The following FEM1C variants were observed in gnomAD, a reference collection of about 807,000 sequenced individuals.
The protein encoded by FEM1C is protein fem-1 homolog C.
Under a neutral mutation model 37.6 loss-of-function variants are expected in FEM1C, and 15 were observed. The observed-to-expected ratio is 0.40, with a 90% CI of 0.27 to 0.61. FEM1C has a LOEUF of 0.61. FEM1C is among the 20% of genes least tolerant of loss of function. The pLI, the probability that FEM1C is intolerant of heterozygous loss-of-function variation, is 0.42. For missense variants in FEM1C, 532 were observed against 749.7 expected (o/e 0.71, Z 3.39); for synonymous variants, 287 against 272.8 (o/e 1.05, Z -0.51).
intron 2 of FEM1C, among the ~76,000 whole-genome samples, chr5:115,541,566 T>C: frequency 6.6e-6 from 1 of 152,190 alleles, no homozygotes; most frequent in Non-Finnish European, 1.5e-5. Context: ...ACTACAGTTA[T>C]TCTCACACAA....
chr5:115,524,288 G>T lies in FEM1C; in HGVS notation c.*20C>A, dbSNP rs764999142. On this transcript the variant is annotated 3_prime_UTR_variant, in exon 3 of 3. Transcript: ENST00000274457. ...TGTTACCAATTCGTGCTTTAACAGTGCTAAAATACAGTCAAGTTATCATCT... is the reference window on the plus strand; with the variant it reads ...TGTTACCAATTCGTGCTTTAACAGTTCTAAAATACAGTCAAGTTATCATCT... The T allele has an allele frequency of 5.0e-6, 8 of 1,603,354 alleles. No homozygotes were observed. The highest frequency in any genetic ancestry group is 5.1e-6 in the Non-Finnish European group (6 of 1,171,254).
chr5:115,531,574 C>A (rs779038214), intron 2 of FEM1C, among the ~76,000 whole-genome samples: 1 of 151,976 alleles, frequency 6.6e-6, no homozygotes, highest in African/African-American at 2.4e-5. Context: ...CGGTAAAAGG[C>A]CAGGTAGCAT....
chr5:115,544,342 A>T (rs1754311121), intron 1 of FEM1C, among the ~76,000 whole-genome samples, 181 bp downstream of exon 1: 2 of 150,570 alleles, frequency 1.3e-5, no homozygotes, highest in African/African-American at 4.9e-5. Context: ...CCTGTTCCAG[A>T]CAACGGCAGC....
chr5:115,538,851 A>G (rs1235948559), intron 2 of FEM1C, among the ~76,000 whole-genome samples: 2 of 151,982 alleles, frequency 1.3e-5, no homozygotes, highest in Non-Finnish European at 2.9e-5. Flanking sequence ...ACCCTTCCAC[A>G]GATCCACATC....
At chr5:115,536,642 C>A (rs1164283787) in intron 2 of FEM1C, among the ~76,000 whole-genome samples, 1 of 151,636 alleles carries the variant, frequency 6.6e-6, no homozygotes, top group Non-Finnish European at 1.5e-5. Flanking sequence ...GTTTCCCTTC[C>A]CCATGTGTAG....
At chr5:115,536,527 ATAAC>A (rs1754131702) in intron 2 of FEM1C, among the ~76,000 whole-genome samples, 1 of 151,970 alleles carries the variant, frequency 6.6e-6, no homozygotes, top group Admixed American at 6.6e-5. Context: ...TATTCCCTGA[ATAAC>A]TAACAGGTGT....
At position 115,523,798 on chromosome 5, in the gene FEM1C, T is replaced by C. The variant is rs761551819; in HGVS notation, c.*510A>G. On this transcript the variant is annotated 3_prime_UTR_variant, in exon 3 of 3. Coordinates refer to ENST00000274457, the MANE Select transcript of FEM1C (RefSeq NM_020177.3). ...GTGCATAGAGAAGATAAAGCACTTA[T>C]GGTAACTGCAAATGGTAACGAGTCC... 9.0e-5 allele frequency: 14 copies of C among 155,336 alleles called. No individual in the cohort carries two copies. Among genetic ancestry groups the C allele is most frequent in the South Asian group, 3.9e-4 (2 of 5,098 alleles). 9.6% of individuals were successfully genotyped at this position (155,336 alleles called of 1,614,324 possible).
rs548146243 is a variant in FEM1C, at chr5:115,533,327, C to G, written c.545-7710G>C. Among the ~76,000 whole-genome samples the G allele has an allele frequency of 8.1e-4, 123 of 151,998 alleles. 1 individual carries two copies. The highest frequency in any genetic ancestry group is 2.5e-3 in the African/African-American group (105 of 41,486). On this transcript the variant is annotated intron_variant, in intron 2 of 2. Coordinates refer to ENST00000274457, the MANE Select transcript of FEM1C (RefSeq NM_020177.3). The stretch of plus-strand genomic sequence containing the variant: ...ATTAATCTGGCTTTCTATGTATAAG[C>G]ACTTTATAAAATGATAACCAGTTTG...
rs1753800578 is a variant in FEM1C at position 115,522,694 on chromosome 5, A to G, written c.*1614T>C. 1 of 152,424 alleles carries G rather than the reference A, an allele frequency of 6.6e-6. No individual in the cohort carries two copies. Among genetic ancestry groups the G allele is most frequent in the Non-Finnish European group, 1.5e-5 (1 of 67,892 alleles). 9.4% of individuals were successfully genotyped at this position (152,424 alleles called of 1,614,324 possible). The stretch of plus-strand genomic sequence containing the variant: ...CCCTCAGAATAAAATGTCAACACAA[A>G]AATCCAAGTGAGTGATCCAGCTCAT... On this transcript the variant is annotated 3_prime_UTR_variant, in exon 3 of 3. Coordinates refer to ENST00000274457, the MANE Select transcript of FEM1C (RefSeq NM_020177.3).
At position 115,543,585 on chromosome 5, in the gene FEM1C, A is replaced by G. The variant is rs2127176485; in HGVS notation, c.-92T>C. ...ACACAGGCAAGAGTCACAGGAACCAAAGTCCAATGTTAATTGCTGCACCCC... is the reference window on the plus strand; with the variant it reads ...ACACAGGCAAGAGTCACAGGAACCAGAGTCCAATGTTAATTGCTGCACCCC... On this transcript the variant is annotated 5_prime_UTR_variant, in exon 2 of 3. Coordinates refer to ENST00000274457, the MANE Select transcript of FEM1C (RefSeq NM_020177.3). 5 of 1,501,290 alleles carry G rather than the reference A, an allele frequency of 3.3e-6. No homozygotes were observed. Among genetic ancestry groups the G allele is most frequent in the Non-Finnish European group, 4.4e-6 (5 of 1,136,084 alleles). 93.0% of individuals were successfully genotyped at this position (1,501,290 alleles called of 1,614,324 possible). A position where few individuals can be genotyped will look rare whatever the true frequency, so the allele number is the denominator to read the frequency against.
In FEM1C at chr5:115,524,408, G is replaced by A. The variant is rs1404995104; in HGVS notation, c.1754C>T (p.Thr585Ile). The A allele has an allele frequency of 6.2e-7, 1 of 1,613,436 alleles. No homozygotes were observed. Among genetic ancestry groups the A allele is most frequent in the East Asian group, 2.2e-5 (1 of 44,870 alleles). ...GACACGAGCAGCAAGACACTGCAAT[G>A]TGGTATGATTTATAGGCTGGATTAA... Reference protein sequence around the residue: ...KNLIQPINHTTLQCLAARVIV... With the variant: ...KNLIQPINHTILQCLAARVIV... Residue 585 changes from threonine (T) to isoleucine (I), a missense_variant, in exon 3 of 3, where the codon ACA becomes ATA. By Grantham distance (89) the Thr-to-Ile change is moderately conservative. This residue lies in a region of FEM1C where 237 missense variants were observed against 260.5 expected (regional missense o/e 0.91). Coordinates refer to ENST00000274457, the MANE Select transcript of FEM1C (RefSeq NM_020177.3).
chr5:115,542,958 C>T lies in FEM1C; in HGVS notation c.536G>A (p.Ser179Asn). The T allele has an allele frequency of 1.9e-6, 3 of 1,610,390 alleles. No homozygotes were observed. The highest frequency in any genetic ancestry group is 2.5e-6 in the Non-Finnish European group (3 of 1,177,736). The change falls in exon 2 of 3, where the codon AGT becomes AAT. Residue 179 changes from serine to asparagine, a missense_variant. Coordinates refer to ENST00000274457, the MANE Select transcript of FEM1C (RefSeq NM_020177.3). The stretch of plus-strand genomic sequence containing the variant: ...AAAGAAGCTGAACTCACCTTTGACA[C>T]TTTTTCTATTAACATCTGCCCCCTT... ...LEKGADVNRK[S>N]VKGNTALHDC...
intron 2 of FEM1C, among the ~76,000 whole-genome samples, chr5:115,535,439 T>A (rs868573961): frequency 3.3e-5 from 5 of 151,644 alleles, no homozygotes; most frequent in African/African-American, 1.2e-4. Flanking sequence ...AAGAAACTCC[T>A]CCAAAGAAAA....
intron 2 of FEM1C, among the ~76,000 whole-genome samples, chr5:115,528,678 A>C (rs1050591938): frequency 2.0e-5 from 3 of 152,136 alleles, no homozygotes; most frequent in Non-Finnish European, 1.5e-5. Context: ...TATATTTTTC[A>C]TATGTAATGC....
rs971983922 is a variant in FEM1C, at chr5:115,523,481, A to C, written c.*827T>G. On this transcript the variant is annotated 3_prime_UTR_variant, in exon 3 of 3. Coordinates refer to ENST00000274457, the MANE Select transcript of FEM1C (RefSeq NM_020177.3). The stretch of plus-strand genomic sequence containing the variant: ...ACTGCATGATATATTAAGATGACAG[A>C]CCTAAATTTCAACTGGGTTAATGAG... 1 of 152,510 alleles carries C rather than the reference A, an allele frequency of 6.6e-6. No individual in the cohort carries two copies. The highest frequency in any genetic ancestry group is 1.5e-5 in the Non-Finnish European group (1 of 67,972). 9.4% of individuals were successfully genotyped at this position (152,510 alleles called of 1,614,324 possible). A position where few individuals can be genotyped will look rare whatever the true frequency, so the allele number is the denominator to read the frequency against.
intron 2 of FEM1C, among the ~76,000 whole-genome samples, chr5:115,532,495 A>C (rs1754036896): frequency 6.6e-6 from 1 of 152,032 alleles, no homozygotes; most frequent in African/African-American, 2.4e-5. Context: ...TAAGTTTTTT[A>C]ATTATAGCCT....
rs1753759123 is a variant in FEM1C, at chr5:115,520,936, T to C, written c.*3372A>G. On this transcript the variant is annotated 3_prime_UTR_variant, in exon 3 of 3. Coordinates refer to ENST00000274457, the MANE Select transcript of FEM1C (RefSeq NM_020177.3). ...GGTGCAAATTTAATTTTATTAAACC[T>C]TACAATGAATGTTGTGGCATATGAT... The C allele has an allele frequency of 6.6e-6, 1 of 152,092 alleles. No individual in the cohort carries two copies. Among genetic ancestry groups the C allele is most frequent in the African/African-American group, 2.4e-5 (1 of 41,396 alleles). 9.4% of individuals were successfully genotyped at this position (152,092 alleles called of 1,614,324 possible). A position where few individuals can be genotyped will look rare whatever the true frequency, so the allele number is the denominator to read the frequency against.
In FEM1C at chr5:115,524,694, C is replaced by T; in HGVS notation, c.1468G>A (p.Val490Met). Residue 490 changes from valine to methionine, a missense_variant, in exon 3 of 3, where the codon GTG becomes ATG. By Grantham distance (21) the Val-to-Met change is conservative. Coordinates refer to ENST00000274457, the MANE Select transcript of FEM1C (RefSeq NM_020177.3). ...KNNFSPLHLA[V>M]DKNTTCVGRY... ...CCTACACATGTAGTATTCTTGTCCA[C>T]AGCCAGATGAAGAGGGCTGAAGTTA... The T allele has an allele frequency of 1.3e-6, 2 of 1,544,478 alleles. No individual in the cohort carries two copies. The highest frequency in any genetic ancestry group is 1.3e-5 in the South Asian group (1 of 77,424).
chr5:115,543,412 T>C lies in FEM1C; in HGVS notation c.82A>G (p.Lys28Glu). 6.2e-7 allele frequency: 1 copy of C among 1,614,186 alleles called. No individual in the cohort carries two copies. The change falls in exon 2 of 3, where the codon AAA becomes GAA. Residue 28 changes from lysine (K) to glutamate (E), a missense_variant. By Grantham distance (56) the Lys-to-Glu change is moderately conservative (BLOSUM62 1). Around this residue, in one of 3 missense-constraint regions of FEM1C, gnomAD observed 74 missense variants for 85.0 expected, o/e 0.87. Transcript: ENST00000274457. ...LLTKLLASKS[K>E]EEVSSLISEK... ...GAGATCAAGGAGGAAACCTCCTCTT[T>C]GGATTTGCTTGCCAACAATTTGGTG...
Sources: allele counts gnomAD v4.1 joint callset (sites outside exome capture counted in the v4.1 genomes callset), GRCh38; gene constraint gnomAD v4.1.1; regional missense constraint gnomAD v4.1.1; transcripts MANE v1.5; gene names NCBI Gene and HGNC (gene_info 2026-07-23, HGNC 2026-07-21).